XPO5: variants seen among roughly 807,000 people sequenced by gnomAD.
XPO5 encodes the protein exportin-5.
XPO5 carries 46 observed loss-of-function variants against 160.6 expected under a neutral mutation model. The ratio of observed to expected loss-of-function variants is 0.29; its 90% CI spans 0.23 to 0.37. The LOEUF is 0.37. Among genes scored for constraint, XPO5 ranks in the 10% least tolerant of loss-of-function variants. XPO5 has a pLI of 1.00. For missense variants in XPO5, 1,090 were observed against 1,463.9 expected, an observed-to-expected ratio of 0.74 and a Z score of 4.17; for synonymous variants, 537 against 519.3, an observed-to-expected ratio of 1.03 and a Z score of -0.46.
chr6:43,559,782 G>A (rs1210079128), intron 11 of XPO5, among the ~76,000 whole-genome samples: 1 of 152,166 alleles, frequency 6.6e-6, no homozygotes, highest in Non-Finnish European at 1.5e-5. Flanking sequence ...GAATCTTAGT[G>A]ATGAAGAAGG....
chr6:43,530,031 G>A (rs1793864467), intron 23 of XPO5, among the ~76,000 whole-genome samples: 1 of 152,112 alleles, frequency 6.6e-6, no homozygotes, highest in Non-Finnish European at 1.5e-5. Context: ...GAGGCAGGCG[G>A]ATTACTTGAG....
chr6:43,565,412 G>C (rs1202273413), intron 8 of XPO5, among the ~76,000 whole-genome samples: 2 of 151,322 alleles, frequency 1.3e-5, no homozygotes, highest in Non-Finnish European at 2.9e-5. Flanking sequence ...ACTAAAAATA[G>C]AAAAATTAGC....
rs534524643 is a variant in XPO5 at position 43,548,642 on chromosome 6, C to G, written c.1861-182G>C. Among the ~76,000 whole-genome samples the G allele has an allele frequency of 2.8e-3, 423 of 151,986 alleles. 2 individuals carry two copies. The highest frequency in any genetic ancestry group is 9.4e-3 in the African/African-American group (388 of 41,458). On this transcript the variant is annotated intron_variant, in intron 17 of 31. Coordinates refer to ENST00000265351, the MANE Select transcript of XPO5 (RefSeq NM_020750.3). ...GCCTAAATAAGCAAGGCAATTTAGG[C>G]GGAAGATAGCTCTTGTCTTGAGTAT...
intron 9 of XPO5, 105 bp from the exon 10 acceptor site, chr6:43,561,112 G>T: frequency 2.1e-6 from 2 of 938,922 alleles, no homozygotes; most frequent in African/African-American, 1.6e-5. Context: ...AAAAAATGTT[G>T]TTTCAAAAGG....
At chr6:43,543,504 T>A (rs1456616047) in intron 20 of XPO5, among the ~76,000 whole-genome samples, 3 of 152,028 alleles carry the variant, frequency 2.0e-5, no homozygotes, top group African/African-American at 7.3e-5. Context: ...AGAATAGTAG[T>A]TATCTTTGAG....
Position 43,531,439 on chromosome 6 carries a change from T to C in XPO5, c.2540+40A>G, listed in dbSNP as rs41281820. ...CATGGACATTCCTATACAATACATA[T>C]CGAGGAAGAAAATATGGAGAGGCAG... On this transcript the variant is annotated intron_variant, in intron 22 of 31. Coordinates refer to ENST00000265351, the MANE Select transcript of XPO5 (RefSeq NM_020750.3). 2,082 of 1,567,516 alleles carry C rather than the reference T, an allele frequency of 1.3e-3. 28 individuals are homozygous for C. The African/African-American group carries it at 0.026, about 19-fold the overall frequency.
intron 12 of XPO5, among the ~76,000 whole-genome samples, chr6:43,558,103 A>C (rs978026347): frequency 4.6e-5 from 7 of 152,096 alleles, no homozygotes; most frequent in African/African-American, 7.2e-5. Flanking sequence ...CTCAAAAAAA[A>C]AAACAAACAA....
At chr6:43,558,282 A>G (rs1015259273) in intron 12 of XPO5, among the ~76,000 whole-genome samples, 3 of 152,118 alleles carry the variant, frequency 2.0e-5, no homozygotes, top group African/African-American at 4.8e-5. Context: ...CTAAACATCA[A>G]TGTCTAAGTG....
chr6:43,537,341 G>T (rs1036014691), intron 20 of XPO5, among the ~76,000 whole-genome samples: 2 of 151,976 alleles, frequency 1.3e-5, no homozygotes, highest in African/African-American at 4.8e-5. Context: ...TCTTTTAAAG[G>T]CTAAACCTTT....
intron 19 of XPO5, 80 bp downstream of exon 19, chr6:43,547,523 ACAAAT>A: frequency 7.7e-7 from 1 of 1,301,936 alleles, no homozygotes; most frequent in Non-Finnish European, 1.1e-6. Flanking sequence ...TATAGAAAAA[ACAAAT>A]CTATGAGAAA....
chr6:43,527,440 A>G, intron 26 of XPO5, 194 bp downstream of exon 26: 1 of 526,322 alleles, frequency 1.9e-6, no homozygotes, highest in Non-Finnish European at 3.4e-6. Context: ...CGCCCAGCTA[A>G]TTTTTGTATT....
At chr6:43,524,063 T>A (rs1793373649) in intron 31 of XPO5, 58 bp from the exon 32 acceptor site, 1 of 1,583,510 alleles carries the variant, frequency 6.3e-7, no homozygotes. Context: ...GTTAAAAGAT[T>A]CTCTTGGCCC....
chr6:43,549,474 G>C lies in XPO5; in HGVS notation c.1860+15C>G, dbSNP rs1314259367. On this transcript the variant is annotated intron_variant, in intron 17 of 31. Transcript: ENST00000265351. ...AACCAAACTTGGCTACTTCAGCCAG[G>C]GTCCAGCAGCTTACCAGCACAAGCT... The C allele has an allele frequency of 6.3e-7, 1 of 1,587,142 alleles. No homozygotes were observed. The highest frequency in any genetic ancestry group is 8.6e-7 in the Non-Finnish European group (1 of 1,168,632).
chr6:43,544,101 TA>T (rs2127724490), intron 20 of XPO5: 1 of 152,800 alleles, frequency 6.5e-6, no homozygotes, highest in Admixed American at 6.5e-5. Context: ...TGGAATTCTC[TA>T]AAAGCACTGA....
rs1793292803 is a variant in XPO5 at position 43,523,010 on chromosome 6, G to A, written c.*858C>T. 1 of 163,116 alleles carries A rather than the reference G, an allele frequency of 6.1e-6. No individual in the cohort carries two copies. Among genetic ancestry groups the A allele is most frequent in the Non-Finnish European group, 1.4e-5 (1 of 74,010 alleles). 10.1% of individuals were successfully genotyped at this position (163,116 alleles called of 1,614,324 possible). On this transcript the variant is annotated 3_prime_UTR_variant, in exon 32 of 32. Transcript: ENST00000265351. ...ACTTAGTCCTAGGAGAAGACCAGCG[G>A]CTTTGCTAGCTGCTCATCACAGATG... is the stretch of plus-strand genomic sequence containing the variant.
At chr6:43,550,212 C>T (rs1010537255) in intron 15 of XPO5, among the ~76,000 whole-genome samples, 5 of 152,200 alleles carry the variant, frequency 3.3e-5, no homozygotes, top group Non-Finnish European at 7.3e-5. Flanking sequence ...GCTATGGAAA[C>T]GCCTCTCTCT....
At position 43,526,757 on chromosome 6, in the gene XPO5, G is replaced by GA. The variant is rs1221351718; in HGVS notation, c.2921-11dup. On this transcript the variant is annotated splice_polypyrimidine_tract_variant and intron_variant, in intron 26 of 31. Coordinates refer to ENST00000265351, the MANE Select transcript of XPO5 (RefSeq NM_020750.3). ...GAAACACAGCAAACCGCTAAAGCAA[G>GA]AAAGCAGGGTTACTAGGTGAAGGGT... 2 of 1,613,264 alleles carry GA rather than the reference G, an allele frequency of 1.2e-6. No individual in the cohort carries two copies. The highest frequency in any genetic ancestry group is 1.3e-5 in the African/African-American group (1 of 74,926).
intron 7 of XPO5, chr6:43,566,718 G>A: frequency 3.4e-6 from 1 of 297,766 alleles, no homozygotes; most frequent in Middle Eastern, 1.3e-3. Flanking sequence ...GCTGAGGCAG[G>A]AGAATCGCTT....
intron 13 of XPO5, chr6:43,554,989 T>C (rs998878447): frequency 6.7e-6 from 1 of 149,860 alleles, no homozygotes; most frequent in Non-Finnish European, 1.5e-5. Context: ...TTGCCCAGGC[T>C]GGAGTACAAT....
Sources: gnomAD v4.1 joint callset for allele counts (sites outside exome capture counted in the v4.1 genomes callset) on GRCh38, gnomAD v4.1.1 for gene constraint, MANE v1.5 for transcripts, NCBI Gene and HGNC (gene_info 2026-07-23, HGNC 2026-07-21) for gene names.